Variants in GRIP1 observed in about 807,000 individuals in gnomAD.
GRIP1 encodes glutamate receptor-interacting protein 1.
GRIP1 carries 45 observed loss-of-function variants against 129.9 expected under a neutral mutation model. That is an observed-to-expected ratio of 0.35 (90% CI 0.27 to 0.44). The LOEUF is 0.44. Ranked by LOEUF, GRIP1 falls within the 20% of genes least tolerant of loss-of-function variation. The probability of loss-of-function intolerance (pLI) is 1.00; values close to 1 mark genes in which losing one functional copy is unlikely to be tolerated. For missense variants in GRIP1, 1,196 were observed against 1,396.8 expected, an observed-to-expected ratio of 0.86 and a Z score of 2.29; for synonymous variants, 530 against 520.8, an observed-to-expected ratio of 1.02 and a Z score of -0.24.
At chr12:66,392,629 G>A in intron 18 of GRIP1, 48 bp downstream of exon 18, 3 of 1,608,044 alleles carry the variant, frequency 1.9e-6, no homozygotes, top group Non-Finnish European at 2.6e-6. Flanking sequence ...TTTCAAGGAA[G>A]AAAATGCACT....
In GRIP1 at chr12:66,674,108, G is replaced by A. The variant is rs190253314; in HGVS notation, c.55+4742C>T. Among the ~76,000 whole-genome samples, 171 of 152,224 alleles carry A rather than the reference G, an allele frequency of 1.1e-3. 2 individuals are homozygous for A. The highest frequency in any genetic ancestry group is 1.3e-3 in the Admixed American group (20 of 15,284). ...GATCTGACAGAGAAGGCCAGCGAGGGTTAGCAGAATGGATGAGGATGGGGA... is the reference window on the plus strand; with the variant it reads ...GATCTGACAGAGAAGGCCAGCGAGGATTAGCAGAATGGATGAGGATGGGGA... On this transcript the variant is annotated intron_variant, in intron 1 of 24. Coordinates refer to ENST00000359742, the MANE Select transcript of GRIP1 (RefSeq NM_001366722.1).
chr12:67,003,069 T>G (rs893593890), intron 1 of GRIP1, among the ~76,000 whole-genome samples: 8 of 152,152 alleles, frequency 5.3e-5, no homozygotes, highest in Non-Finnish European at 1.2e-4. Flanking sequence ...AACACTGGCC[T>G]TCTTTCCTCC....
chr12:66,994,315 T>C lies in GRIP1; in HGVS notation c.58+74735A>G, dbSNP rs192489887. ...TATCATGACCAAGGGGAATTTATCA[T>C]AGAAACGCAAAGTTGATTCAATATC... On this transcript the variant is annotated intron_variant, in intron 1 of 1. Coordinates refer to the GRIP1 transcript ENST00000643019. 7.9e-5 allele frequency among the ~76,000 whole-genome samples: 12 copies of C among 152,008 alleles called. No individual in the cohort carries two copies. In the East Asian group the frequency reaches 2.3e-3, roughly 29 times the overall value.
intron 1 of GRIP1, among the ~76,000 whole-genome samples, chr12:67,000,200 T>C (rs1466928959): frequency 6.6e-6 from 1 of 152,258 alleles, no homozygotes; most frequent in East Asian, 1.9e-4. Flanking sequence ...ATTTTATAAA[T>C]AAATTAGGTA....
At chr12:66,782,393 G>C (rs1281074818) in intron 1 of GRIP1, among the ~76,000 whole-genome samples, 1 of 152,090 alleles carries the variant, frequency 6.6e-6, no homozygotes, top group African/African-American at 2.4e-5. Context: ...CCTTTCTCTG[G>C]AACTGGAGGC....
intron 12 of GRIP1, 96 bp downstream of exon 12, chr12:66,445,226 G>A: frequency 3.1e-6 from 3 of 977,456 alleles, no homozygotes; most frequent in Non-Finnish European, 4.9e-6. Flanking sequence ...TGCATTTCCT[G>A]CATTGAGCAA....
intron 16 of GRIP1, among the ~76,000 whole-genome samples, chr12:66,399,062 G>A (rs1293798424): frequency 6.6e-6 from 1 of 151,952 alleles, no homozygotes; most frequent in African/African-American, 2.4e-5. Flanking sequence ...ATCTCCAGAA[G>A]AGTATTGCGA....
In GRIP1 at chr12:66,553,736, T is replaced by C. The variant is rs74455111; in HGVS notation, c.137-11786A>G. 6.4e-3 allele frequency among the ~76,000 whole-genome samples: 974 copies of C among 151,822 alleles called. 9 individuals carry two copies. The highest frequency in any genetic ancestry group is 0.022 in the African/African-American group (926 of 41,396). ...CGCATGTCTCATGGCACGAAGAATT[T>C]ATGAGCTTGGGGGAGGAAAAGTGCT... is the stretch of plus-strand genomic sequence containing the variant. On this transcript the variant is annotated intron_variant, in intron 2 of 24. Coordinates refer to ENST00000359742, the MANE Select transcript of GRIP1 (RefSeq NM_001366722.1).
chr12:67,055,199 T>C (rs2043414709), intron 1 of GRIP1, among the ~76,000 whole-genome samples: 1 of 152,194 alleles, frequency 6.6e-6, no homozygotes, highest in South Asian at 2.1e-4. Flanking sequence ...TTAAAGTAGA[T>C]GAAATAACTT....
At chr12:66,853,965 C>T (rs918596329) in intron 1 of GRIP1, among the ~76,000 whole-genome samples, 1 of 151,910 alleles carries the variant, frequency 6.6e-6, no homozygotes, top group African/African-American at 2.4e-5. Context: ...ATATGTCTGA[C>T]TCTATTAAGG....
At chr12:66,695,362 A>C (rs2035120846) in intron 1 of GRIP1, among the ~76,000 whole-genome samples, 2 of 152,050 alleles carry the variant, frequency 1.3e-5, no homozygotes, top group African/African-American at 4.8e-5. Flanking sequence ...TATGCTGGAC[A>C]GAGAACACCT....
chr12:66,723,304 CTTTTTTTTT>C lies in GRIP1; in HGVS notation c.-420+80740_-420+80748del, dbSNP rs57938064. Among the ~76,000 whole-genome samples the C allele has an allele frequency of 4.9e-3, 287 of 58,410 alleles. 14 individuals carry two copies. Among genetic ancestry groups the C allele is most frequent in the African/African-American group, 8.1e-3 (96 of 11,790 alleles). 38.3% of individuals were successfully genotyped at this position (58,410 alleles called of 152,430 possible). Reference sequence around the variant, plus strand: ...CCTTCCTTTCTTTCTTTCTTTCTTTCTTTTTTTTTTTTTTTTTTTTTTTTTTGAGACAGA... The same window carrying C: ...CCTTCCTTTCTTTCTTTCTTTCTTTCTTTTTTTTTTTTTTTTTGAGACAGA... On this transcript the variant is annotated intron_variant, in intron 1 of 4. Coordinates refer to the GRIP1 transcript ENST00000538373.
chr12:66,434,269 C>T (rs142037459), intron 13 of GRIP1, among the ~76,000 whole-genome samples: 261 of 152,248 alleles, frequency 1.7e-3, no homozygotes, highest in African/African-American at 6.0e-3. Context: ...GGTCTTCCTT[C>T]TCTGGGCTCC....
intron 2 of GRIP1, among the ~76,000 whole-genome samples, chr12:66,549,437 A>G (rs1393263362): frequency 1.3e-5 from 2 of 152,148 alleles, no homozygotes; most frequent in East Asian, 1.9e-4. Flanking sequence ...GTGTACTACT[A>G]TTGAAAAAAA....
At chr12:66,871,182 G>A (rs2040290072) in intron 1 of GRIP1, among the ~76,000 whole-genome samples, 1 of 152,032 alleles carries the variant, frequency 6.6e-6, no homozygotes, top group Non-Finnish European at 1.5e-5. Flanking sequence ...AGGAATTAGG[G>A]TCTGGAATGC....
intron 7 of GRIP1, among the ~76,000 whole-genome samples, chr12:66,477,696 A>C (rs1257400949): frequency 2.0e-5 from 3 of 152,204 alleles, no homozygotes; most frequent in Admixed American, 2.0e-4. Flanking sequence ...GGCTAATGGA[A>C]CAGAATAGAG....
In GRIP1 at chr12:66,419,722, ATG is replaced by A. The variant is rs562229271; in HGVS notation, c.1838+996_1838+997del. On this transcript the variant is annotated intron_variant, in intron 15 of 24. Transcript: ENST00000359742. ...GTCTTGCTTGATCCACTGTCTTTGG[ATG>A]TCTCTTTGTCATAGCAGTGGAGCCT... Among the ~76,000 whole-genome samples the A allele has an allele frequency of 2.4e-3, 373 of 152,294 alleles. 1 individual carries two copies. The highest frequency in any genetic ancestry group is 8.5e-3 in the African/African-American group (355 of 41,568).
chr12:66,715,452 A>ATATGTG (rs1555229453), intron 1 of GRIP1, among the ~76,000 whole-genome samples: 5 of 73,066 alleles, frequency 6.8e-5, no homozygotes, highest in Non-Finnish European at 1.0e-4. Flanking sequence ...TTGTAGCTTG[A>ATATGTG]TGTGTGTGTG....
intron 14 of GRIP1, among the ~76,000 whole-genome samples, chr12:66,425,660 A>C (rs7295649): frequency 0.026 from 4,009 of 152,286 alleles, 167 homozygotes; most frequent in African/African-American, 0.09. Context: ...TAATGAGTTC[A>C]TGTCCTTTGT....
Sources: allele counts gnomAD v4.1 joint callset (sites outside exome capture counted in the v4.1 genomes callset), GRCh38; gene constraint gnomAD v4.1.1; transcripts MANE v1.5; gene names NCBI Gene and HGNC (gene_info 2026-07-23, HGNC 2026-07-21).